Variants in FAM53A observed in about 807,000 individuals in gnomAD.
FAM53A encodes family with sequence similarity 53 member A, also known as protein FAM53A.
In FAM53A, 28 loss-of-function variants were observed where a neutral mutation model predicts 26.6. That is an observed-to-expected ratio of 1.05 (90% CI 0.78 to 1.45). FAM53A has a LOEUF of 1.45. Ranked by LOEUF, FAM53A falls within the 40% of genes most tolerant of loss-of-function variation. The pLI is 0.00. For synonymous variants in FAM53A, 290 were observed against 253.1 expected, an observed-to-expected ratio of 1.15 and a Z score of -1.38; for missense variants, 650 against 575.8, an observed-to-expected ratio of 1.13 and a Z score of -1.32.
chr4:1,608,521 C>T, the FAM53A span, among the ~76,000 whole-genome samples: 192 of 152,354 alleles, frequency 1.3e-3, 1 homozygote, highest in Non-Finnish European at 1.5e-3. Context: ...CCTGCTGGTT[C>T]CTGAGGGGCT....
chr4:1,675,304 C>G (rs1312585167), intron 1 of FAM53A, among the ~76,000 whole-genome samples: 1 of 152,128 alleles, frequency 6.6e-6, no homozygotes, highest in Non-Finnish European at 1.5e-5. Flanking sequence ...CACCTGAGCT[C>G]CGGGAAGCAC....
At chr4:1,673,418 C>G (rs897880482) in intron 1 of FAM53A, among the ~76,000 whole-genome samples, 2 of 152,156 alleles carry the variant, frequency 1.3e-5, no homozygotes, top group Non-Finnish European at 2.9e-5. Flanking sequence ...AAGAGTCACA[C>G]GCTCATAACT....
At chr4:1,582,268 T>A in the FAM53A span, among the ~76,000 whole-genome samples, 1 of 152,234 alleles carries the variant, frequency 6.6e-6, no homozygotes, top group African/African-American at 2.4e-5. Context: ...CTGTGACCTA[T>A]ACTCCAGCCA....
the FAM53A span, among the ~76,000 whole-genome samples, chr4:1,600,968 C>T: frequency 2.0e-5 from 3 of 152,176 alleles, no homozygotes; most frequent in African/African-American, 7.2e-5. Context: ...CAGGGCCCAG[C>T]CCTGGAGGGA....
the FAM53A span, among the ~76,000 whole-genome samples, chr4:1,581,985 G>A: frequency 6.6e-6 from 1 of 151,898 alleles, no homozygotes; most frequent in Non-Finnish European, 1.5e-5. Context: ...TCCAACTCCT[G>A]AGCTCAAGTG....
At chr4:1,629,003 C>T (rs115800591) in intron 1 of FAM53A, among the ~76,000 whole-genome samples, 2,168 of 152,016 alleles carry the variant, frequency 0.014, 58 homozygotes, top group African/African-American at 0.049. Context: ...TCCCCGTGAC[C>T]GCGTGGTCTC....
intron 1 of FAM53A, among the ~76,000 whole-genome samples, chr4:1,672,556 C>G (rs940742213): frequency 6.6e-6 from 1 of 152,132 alleles, no homozygotes; most frequent in African/African-American, 2.4e-5. Context: ...AAGATGCATC[C>G]ATGATGCTGG....
chr4:1,632,602 T>C (rs1304781614), intron 1 of FAM53A, among the ~76,000 whole-genome samples: 1 of 151,956 alleles, frequency 6.6e-6, no homozygotes, highest in Non-Finnish European at 1.5e-5. Flanking sequence ...GCCCTTAGAG[T>C]AGAGCCACGG....
chr4:1,593,549 T>G, the FAM53A span, among the ~76,000 whole-genome samples: 3 of 152,232 alleles, frequency 2.0e-5, no homozygotes, highest in South Asian at 6.2e-4. Context: ...TTTAAGGGAC[T>G]TATCTCTTTA....
At chr4:1,623,338 ACCCCC>A (rs1301227849) in intron 1 of FAM53A, among the ~76,000 whole-genome samples, 5 of 150,852 alleles carry the variant, frequency 3.3e-5, no homozygotes, top group Non-Finnish European at 7.4e-5. Flanking sequence ...TGCCACCCCC[ACCCCC>A]ACCGCAGCCC....
chr4:1,591,720 G>A, the FAM53A span, among the ~76,000 whole-genome samples: 1 of 152,202 alleles, frequency 6.6e-6, no homozygotes, highest in African/African-American at 2.4e-5. Context: ...AGGGGCCTGG[G>A]AGTCCCTGGA....
intron 1 of FAM53A, among the ~76,000 whole-genome samples, chr4:1,632,485 C>T (rs567064703): frequency 6.6e-6 from 1 of 152,308 alleles, no homozygotes; most frequent in Admixed American, 6.5e-5. Flanking sequence ...ACATGGACCC[C>T]CAAGAAGACC....
At chr4:1,644,376 C>G (rs1285495597) in intron 4 of FAM53A, 1 of 1,532,304 alleles carries the variant, frequency 6.5e-7, no homozygotes, top group South Asian at 1.2e-5. Flanking sequence ...CTGAACGCCT[C>G]TGGACGACAC....
chr4:1,612,548 C>G, the FAM53A span, among the ~76,000 whole-genome samples: 1 of 152,184 alleles, frequency 6.6e-6, no homozygotes, highest in Admixed American at 6.5e-5. Context: ...CCACACGGAC[C>G]TGCACCCACA....
At chr4:1,610,022 T>A in the FAM53A span, among the ~76,000 whole-genome samples, 1 of 152,020 alleles carries the variant, frequency 6.6e-6, no homozygotes, top group African/African-American at 2.4e-5. Context: ...AGCATGAGAA[T>A]GGACTAATAT....
rs1714436253 is a variant in FAM53A at position 1,668,890 on chromosome 4, T to A, written c.-149A>T. On this transcript the variant is annotated 5_prime_UTR_variant, in exon 2 of 5. Coordinates refer to ENST00000308132, the MANE Select transcript of FAM53A (RefSeq NM_001174070.3). ...AGATGAGCAGTCCACGCCCACGGGC[T>A]CTTCAGGATTTGTGCCTGTTTCTCA... The A allele has an allele frequency of 3.2e-6, 2 of 619,788 alleles. No individual in the cohort carries two copies. The highest frequency in any genetic ancestry group is 5.6e-6 in the Non-Finnish European group (2 of 355,532). The allele number at this position is 619,788 out of a possible 1,614,324, so 38.4% of individuals were successfully genotyped here.
downstream of FAM53A, among the ~76,000 whole-genome samples, chr4:1,615,244 C>T (rs1414133566): frequency 6.7e-6 from 1 of 148,204 alleles, no homozygotes; most frequent in Non-Finnish European, 1.5e-5. Flanking sequence ...CCTGGGCACA[C>T]ATGGAAGACA....
At chr4:1,586,949 A>G in the FAM53A span, among the ~76,000 whole-genome samples, 4 of 152,272 alleles carry the variant, frequency 2.6e-5, no homozygotes, top group Admixed American at 2.6e-4. Context: ...GTGTCGGGTG[A>G]TATCTCACTG....
chr4:1,583,902 C>T, the FAM53A span, among the ~76,000 whole-genome samples: 1 of 152,258 alleles, frequency 6.6e-6, no homozygotes, highest in South Asian at 2.1e-4. Context: ...GTTTATCTCA[C>T]TGCTGTTTCC....
Sources: gnomAD v4.1 joint callset for allele counts (sites outside exome capture counted in the v4.1 genomes callset) on GRCh38, gnomAD v4.1.1 for gene constraint, MANE v1.5 for transcripts, NCBI Gene and HGNC (gene_info 2026-07-23, HGNC 2026-07-21) for gene names.